The following AGAP1 variants were observed in gnomAD, a reference collection of about 807,000 sequenced individuals.
AGAP1 encodes arf-GAP with GTPase, ANK repeat and PH domain-containing protein 1.
Under a neutral mutation model 105.3 loss-of-function variants are expected in AGAP1, and 29 were observed. The observed-to-expected ratio is 0.28, with a 90% CI of 0.21 to 0.38. The LOEUF (loss-of-function observed/expected upper bound fraction) is 0.38. Ranked by LOEUF, AGAP1 falls within the 10% of genes least tolerant of loss-of-function variation. The pLI is 1.00. For missense variants in AGAP1, 998 were observed against 1,165.1 expected (o/e 0.86, Z 2.09); for synonymous variants, 509 against 485.9 (o/e 1.05, Z -0.63).
Position 235,744,889 on chromosome 2 carries a change from A to G in AGAP1, c.538+50A>G, listed in dbSNP as rs764889308. The stretch of plus-strand genomic sequence containing the variant: ...GTTTTGAAAGGGTTCTAACAGTTAC[A>G]TATTTTCAGTATGGAGGAGTTTAAA... On this transcript the variant is annotated intron_variant, in intron 5 of 17. Transcript: ENST00000304032. The surrounding 1 kb of genome is among the most constrained non-coding windows in gnomAD (Gnocchi z 5.2). 17 of 1,599,608 alleles carry G rather than the reference A, an allele frequency of 1.1e-5. No individual in the cohort carries two copies. The highest frequency in any genetic ancestry group is 2.7e-5 in the African/African-American group (2 of 74,500).
In AGAP1 at chr2:235,639,006, T is replaced by C. The variant is rs1000381818; in HGVS notation, c.164-70173T>C. 6.6e-6 allele frequency among the ~76,000 whole-genome samples: 1 copy of C among 152,120 alleles called. No individual in the cohort carries two copies. Among genetic ancestry groups the C allele is most frequent in the East Asian group, 1.9e-4 (1 of 5,196 alleles). On this transcript the variant is annotated intron_variant, in intron 1 of 17. Coordinates refer to ENST00000304032, the MANE Select transcript of AGAP1 (RefSeq NM_001037131.3). The surrounding 1 kb of genome is among the most constrained non-coding windows in gnomAD (Gnocchi z 5.3). ...ATGTCCACTGGGGGGCAGAATCACC[T>C]GCTGAGACCCACTGGTTAAAATAGT...
At chr2:235,501,988 T>C (rs1242571746) in intron 1 of AGAP1, among the ~76,000 whole-genome samples, 1 of 152,158 alleles carries the variant, frequency 6.6e-6, no homozygotes, top group East Asian at 1.9e-4. Context: ...GCAGCATCTG[T>C]TATTTTTATT....
At chr2:236,115,199 A>G (rs111418646) in intron 16 of AGAP1, among the ~76,000 whole-genome samples, 185 of 152,286 alleles carry the variant, frequency 1.2e-3, no homozygotes, top group African/African-American at 4.3e-3. Flanking sequence ...ATAACATTGA[A>G]TTATCAGAGA....
chr2:235,687,791 G>A (rs929933016), intron 1 of AGAP1, among the ~76,000 whole-genome samples: 8 of 151,862 alleles, frequency 5.3e-5, no homozygotes, highest in Non-Finnish European at 2.9e-5. Context: ...TTAAGCAGGG[G>A]CAAAGTACAC....
chr2:235,928,737 G>A (rs1451503800), intron 11 of AGAP1, among the ~76,000 whole-genome samples: 1 of 152,146 alleles, frequency 6.6e-6, no homozygotes, highest in African/African-American at 2.4e-5. Flanking sequence ...TATTGTAATA[G>A]GGATCTGGCT....
chr2:235,606,581 A>G (rs1471768498), intron 1 of AGAP1, among the ~76,000 whole-genome samples: 1 of 152,058 alleles, frequency 6.6e-6, no homozygotes, highest in Non-Finnish European at 1.5e-5. Flanking sequence ...CCTGAGTCAT[A>G]GAAGCATTGA....
chr2:235,863,136 C>T (rs1422889045), intron 9 of AGAP1, among the ~76,000 whole-genome samples: 5 of 152,176 alleles, frequency 3.3e-5, no homozygotes, highest in African/African-American at 9.7e-5. Context: ...TTGATATTTG[C>T]CAGGTTATGG....
chr2:236,034,674 G>C (rs896000564), intron 13 of AGAP1, among the ~76,000 whole-genome samples: 1 of 152,144 alleles, frequency 6.6e-6, no homozygotes, highest in African/African-American at 2.4e-5. Context: ...AGCCCGTATC[G>C]GTCCCTTTCA....
chr2:235,775,611 C>G (rs1157162238), intron 6 of AGAP1: 2 of 152,118 alleles, frequency 1.3e-5, no homozygotes, highest in African/African-American at 4.8e-5. Context: ...TGTCATAGTC[C>G]TTCCTCCCAC....
chr2:235,908,964 C>A lies in AGAP1; in HGVS notation c.1324+58C>A. 1 of 1,542,128 alleles carries A rather than the reference C, an allele frequency of 6.5e-7. No homozygotes were observed. Among genetic ancestry groups the A allele is most frequent in the Non-Finnish European group, 8.9e-7 (1 of 1,126,070 alleles). ...GTTCAACAGCAACAGGTGGTCCAGG[C>A]TCGAGGATAATGTTGGACTCCTAGG... On this transcript the variant is annotated intron_variant, in intron 11 of 17. Coordinates refer to ENST00000304032, the MANE Select transcript of AGAP1 (RefSeq NM_001037131.3). The surrounding 1 kb of genome is among the most constrained non-coding windows in gnomAD (Gnocchi z 4.4).
chr2:235,771,506 A>G (rs1195238607), intron 6 of AGAP1, among the ~76,000 whole-genome samples: 1 of 152,104 alleles, frequency 6.6e-6, no homozygotes, highest in African/African-American at 2.4e-5. Flanking sequence ...TTTCAACTGG[A>G]GACATGCCGG....
chr2:236,068,317 C>G (rs1270457968), intron 16 of AGAP1, among the ~76,000 whole-genome samples: 2 of 151,948 alleles, frequency 1.3e-5, no homozygotes, highest in Non-Finnish European at 2.9e-5. Flanking sequence ...TGTGAAACAT[C>G]TGATGGTAAA....
At position 235,549,311 on chromosome 2, in the gene AGAP1, C is replaced by T. The variant is rs979410271; in HGVS notation, c.163+54462C>T. 1.3e-5 allele frequency among the ~76,000 whole-genome samples: 2 copies of T among 152,172 alleles called. No individual in the cohort carries two copies. Among genetic ancestry groups the T allele is most frequent in the African/African-American group, 4.8e-5 (2 of 41,440 alleles). On this transcript the variant is annotated intron_variant, in intron 1 of 17. Coordinates refer to ENST00000304032, the MANE Select transcript of AGAP1 (RefSeq NM_001037131.3). This position sits in a 1 kb window ranked among gnomAD's most constrained non-coding sequence, Gnocchi z 4.2. ...GACTGGAGAGAGCTGGCGAGTGCAG[C>T]CTGCTGGGATGCCAGCTCTCACCTG...
chr2:235,791,110 T>C (rs1340812720), intron 6 of AGAP1, among the ~76,000 whole-genome samples: 2 of 152,254 alleles, frequency 1.3e-5, no homozygotes, highest in African/African-American at 4.8e-5. Flanking sequence ...TGGGCTTGAA[T>C]TATCAACAAT....
intron 13 of AGAP1, among the ~76,000 whole-genome samples, chr2:236,026,494 T>C (rs372791777): frequency 6.6e-6 from 1 of 152,194 alleles, no homozygotes. Context: ...TTTGGGAGGC[T>C]GAGGCAGGCA....
At chr2:235,956,250 G>A (rs1186277150) in intron 12 of AGAP1, among the ~76,000 whole-genome samples, 7 of 152,294 alleles carry the variant, frequency 4.6e-5, no homozygotes, top group Admixed American at 3.3e-4. Context: ...GCTGCGCATC[G>A]TGCCTTCCCA....
chr2:235,947,045 A>G (rs1223469738), intron 12 of AGAP1, among the ~76,000 whole-genome samples: 2 of 152,108 alleles, frequency 1.3e-5, no homozygotes, highest in African/African-American at 4.8e-5. Flanking sequence ...TATTTTACTT[A>G]ACTGGTTGAA....
At chr2:236,006,599 A>G (rs564166929) in intron 13 of AGAP1, among the ~76,000 whole-genome samples, 2 of 152,358 alleles carry the variant, frequency 1.3e-5, no homozygotes, top group South Asian at 4.1e-4. Flanking sequence ...CTATGTTAAT[A>G]CTACCTCCAT....
chr2:235,890,530 G>A (rs1003231320), intron 10 of AGAP1, among the ~76,000 whole-genome samples: 2 of 152,188 alleles, frequency 1.3e-5, no homozygotes, highest in African/African-American at 4.8e-5. Context: ...TGAACCTACA[G>A]CGTCCACATC....
Sources: gnomAD v4.1 joint callset for allele counts (sites outside exome capture counted in the v4.1 genomes callset) on GRCh38, gnomAD v4.1.1 for gene constraint, Gnocchi (gnomAD v3.1) non-coding constraint, MANE v1.5 for transcripts, NCBI Gene and HGNC (gene_info 2026-07-23, HGNC 2026-07-21) for gene names.